The following BHMT variants were observed in gnomAD, a reference collection of about 807,000 sequenced individuals.
The protein encoded by BHMT is betaine--homocysteine S-methyltransferase 1.
In BHMT, 38 loss-of-function variants were observed where a neutral mutation model predicts 49.5. That is an observed-to-expected ratio of 0.77 (90% CI 0.59 to 1.01). The LOEUF is 1.01. Among genes scored for constraint, BHMT ranks in the 50% least tolerant of loss-of-function variants. The pLI, the probability that BHMT is intolerant of heterozygous loss-of-function variation, is 0.00. For missense variants in BHMT, 426 were observed against 495.7 expected (o/e 0.86, Z 1.34); for synonymous variants, 166 against 176.3 (o/e 0.94, Z 0.46).
intron 7 of BHMT, among the ~76,000 whole-genome samples, chr5:79,128,635 T>G (rs976575662): frequency 6.6e-6 from 1 of 152,278 alleles, no homozygotes; most frequent in South Asian, 2.1e-4. Context: ...ACAATACTCT[T>G]AAATTGCATT....
chr5:79,130,775 T>G, intron 7 of BHMT, among the ~76,000 whole-genome samples, 158 bp from the exon 8 acceptor site: 2 of 58,558 alleles, frequency 3.4e-5, no homozygotes, highest in Non-Finnish European at 3.9e-5. Context: ...CACAGGTGGC[T>G]GAGATTGACA....
rs1756305104 is a variant in BHMT, at chr5:79,111,857, T to A, written c.-29T>A. 6.2e-7 allele frequency: 1 copy of A among 1,611,990 alleles called. No individual in the cohort carries two copies. The highest frequency in any genetic ancestry group is 8.5e-7 in the Non-Finnish European group (1 of 1,179,128). ...GGCTCGCCTAGTCGGTCCGCATCCG[T>A]GTCGACCACCTGTCTGGACACCACG... On this transcript the variant is annotated 5_prime_UTR_variant, in exon 1 of 8. Coordinates refer to ENST00000274353, the MANE Select transcript of BHMT (RefSeq NM_001713.3).
In BHMT at chr5:79,131,351, C is replaced by A; in HGVS notation, c.*235C>A. ...AAATCTTGAACAGGTTCACTAAGCA[C>A]CCACCCTGTGAAAAGTATTATGGAA... On this transcript the variant is annotated 3_prime_UTR_variant, in exon 8 of 8. Transcript: ENST00000274353. 2.4e-6 allele frequency: 1 copy of A among 415,116 alleles called. No homozygotes were observed. The allele number at this position is 415,116 out of a possible 1,614,324, so 25.7% of individuals were successfully genotyped here. A position where few individuals can be genotyped will look rare whatever the true frequency, so the allele number is the denominator to read the frequency against.
chr5:79,115,639 A>G, intron 1 of BHMT, 128 bp from the exon 2 acceptor site: 1 of 1,065,708 alleles, frequency 9.4e-7, no homozygotes, highest in Non-Finnish European at 1.3e-6. Context: ...TATATAAAAT[A>G]TACATTTTTC....
chr5:79,130,589 C>T (rs570898046), intron 7 of BHMT, among the ~76,000 whole-genome samples: 1 of 151,682 alleles, frequency 6.6e-6, no homozygotes, highest in Admixed American at 6.6e-5. Flanking sequence ...TCTAGTGATG[C>T]TACTGTGCTG....
At chr5:79,128,307 T>G in intron 7 of BHMT, 1 of 209,774 alleles carries the variant, frequency 4.8e-6, no homozygotes, top group South Asian at 9.7e-5. Context: ...GATTACTTGA[T>G]CTCGGGAGTT....
intron 4 of BHMT, 26 bp downstream of exon 4, chr5:79,120,567 A>T: frequency 6.3e-7 from 1 of 1,589,052 alleles, no homozygotes; most frequent in African/African-American, 1.3e-5. Context: ...GTGAAAGATA[A>T]GACAAATACA....
intron 7 of BHMT, among the ~76,000 whole-genome samples, chr5:79,129,103 C>A (rs1036723405): frequency 2.6e-5 from 4 of 152,188 alleles, no homozygotes; most frequent in Admixed American, 1.3e-4. Context: ...GGAGAGGTAG[C>A]AGTTCCACTC....
At chr5:79,115,225 G>A (rs1756367833) in intron 1 of BHMT, among the ~76,000 whole-genome samples, 1 of 151,944 alleles carries the variant, frequency 6.6e-6, no homozygotes, top group South Asian at 2.1e-4. Flanking sequence ...TTTGGCTGCT[G>A]GGGAGGGTGA....
In BHMT at chr5:79,121,234, AAG is replaced by A. The variant is rs761941494; in HGVS notation, c.496_497del (p.Glu166SerfsTer6). On this transcript the variant is annotated frameshift_variant, in exon 5 of 8. Transcript: ENST00000274353. LOFTEE classifies it high-confidence loss of function. ...TGATTCCAGTATTTTGAACACGTTG[AAG>A]AAGCTGTGTGGGCAGTTGAAACCTT... The A allele has an allele frequency of 6.2e-7, 1 of 1,614,168 alleles. No homozygotes were observed. Among genetic ancestry groups the A allele is most frequent in the Admixed American group, 1.7e-5 (1 of 60,024 alleles).
intron 1 of BHMT, among the ~76,000 whole-genome samples, chr5:79,114,942 C>A (rs1756363855): frequency 6.6e-6 from 1 of 152,174 alleles, no homozygotes; most frequent in Non-Finnish European, 1.5e-5. Context: ...TAGAACAACA[C>A]CAGGGTGATT....
At chr5:79,115,686 T>C in intron 1 of BHMT, 81 bp from the exon 2 acceptor site, 5 of 1,416,410 alleles carry the variant, frequency 3.5e-6, no homozygotes, top group Non-Finnish European at 4.7e-6. Context: ...TCTCCAAGAA[T>C]ATGTTAGCAA....
At chr5:79,120,189 CA>C (rs1032813629) in intron 3 of BHMT, 160 bp from the exon 4 acceptor site, 1 of 603,520 alleles carries the variant, frequency 1.7e-6, no homozygotes, top group African/African-American at 1.9e-5. Flanking sequence ...ATTGTTATGG[CA>C]AACTGTTCAA....
chr5:79,120,604 T>C, intron 4 of BHMT, 63 bp downstream of exon 4: 4 of 1,471,556 alleles, frequency 2.7e-6, no homozygotes, highest in Non-Finnish European at 3.6e-6. Context: ...TACCTTTTGC[T>C]TTCAAGAGTA....
rs1166745252 is a variant in BHMT at position 79,125,477 on chromosome 5, A to AG, written c.626-569_626-568insG. The stretch of plus-strand genomic sequence containing the variant: ...TGTCTCAGAAAAAAAAAAAAAAAAA[A>AG]AGAGATGGACAGCCAAATGTGCACA... On this transcript the variant is annotated intron_variant, in intron 5 of 7. Coordinates refer to ENST00000274353, the MANE Select transcript of BHMT (RefSeq NM_001713.3). Among the ~76,000 whole-genome samples, 556 of 151,100 alleles carry AG rather than the reference A, an allele frequency of 3.7e-3. 3 individuals carry two copies. The highest frequency in any genetic ancestry group is 0.013 in the African/African-American group (525 of 41,152).
chr5:79,118,271 T>C (rs1422913414), intron 2 of BHMT, among the ~76,000 whole-genome samples: 1 of 152,018 alleles, frequency 6.6e-6, no homozygotes, highest in Non-Finnish European at 1.5e-5. Context: ...TTCAAGACCA[T>C]CCTGGCCAAC....
Position 79,126,104 on chromosome 5 carries a change from G to A in BHMT, c.684G>A (p.Val228=). 1.2e-6 allele frequency: 2 copies of A among 1,613,292 alleles called. No individual in the cohort carries two copies. Among genetic ancestry groups the A allele is most frequent in the Non-Finnish European group, 1.7e-6 (2 of 1,179,316 alleles). ...HFDPTISLKT[V]KLMKEGLEAA... ...ACCCCACCATTAGTTTAAAAACAGT[G>A]AAGCTCATGAAGGAGGGCTTGGAGG... is the stretch of plus-strand genomic sequence containing the variant. Residue 228 remains valine, a synonymous_variant, in exon 6 of 8, where the codon GTG becomes GTA. Coordinates refer to ENST00000274353, the MANE Select transcript of BHMT (RefSeq NM_001713.3).
At chr5:79,124,303 C>T (rs969399176) in intron 5 of BHMT, among the ~76,000 whole-genome samples, 4 of 152,092 alleles carry the variant, frequency 2.6e-5, no homozygotes, top group African/African-American at 9.7e-5. Context: ...AATCCCAGCA[C>T]TTTGGGAGGC....
intron 2 of BHMT, among the ~76,000 whole-genome samples, chr5:79,117,748 C>T (rs114908972): frequency 2.6e-4 from 39 of 152,226 alleles, no homozygotes; most frequent in African/African-American, 9.2e-4. Flanking sequence ...TGCTCCTGGA[C>T]CTTTGGATTT....
Sources: allele counts gnomAD v4.1 joint callset (sites outside exome capture counted in the v4.1 genomes callset), GRCh38; gene constraint gnomAD v4.1.1; transcripts MANE v1.5; gene names NCBI Gene and HGNC (gene_info 2026-07-23, HGNC 2026-07-21).